Variants in LHFPL2 observed in about 807,000 individuals in gnomAD.
The protein encoded by LHFPL2 is LHFPL tetraspan subfamily member 2.
A neutral mutation model predicts 17.5 loss-of-function variants in LHFPL2; 7 were observed. The observed-to-expected ratio is 0.40, with a 90% confidence interval of 0.23 to 0.75. The LOEUF (loss-of-function observed/expected upper bound fraction) is 0.75. Ranked by LOEUF, LHFPL2 falls within the 30% of genes least tolerant of loss-of-function variation. LHFPL2 has a pLI of 0.37. For synonymous variants in LHFPL2, 134 were observed against 116.2 expected (o/e 1.15, Z -0.99); for missense variants, 241 against 294.8 (o/e 0.82, Z 1.34).
rs564286575 is a variant in LHFPL2 at position 78,535,470 on chromosome 5, G to A, written c.-185-25072C>T. Among the ~76,000 whole-genome samples the A allele has an allele frequency of 5.9e-5, 9 of 152,282 alleles. No homozygotes were observed. In the South Asian group the frequency reaches 1.0e-3, roughly 18 times the overall value. On this transcript the variant is annotated intron_variant, in intron 3 of 4. Coordinates refer to ENST00000380345, the MANE Select transcript of LHFPL2 (RefSeq NM_005779.3). The stretch of plus-strand genomic sequence containing the variant: ...GGCTAGTGTGAGGGGAGGAATAAAG[G>A]AGAGCAAAGACGACCTAGGACCCCC...
chr5:78,551,603 C>T (rs369337277), intron 3 of LHFPL2, among the ~76,000 whole-genome samples: 11 of 152,136 alleles, frequency 7.2e-5, no homozygotes, highest in Non-Finnish European at 1.2e-4. Flanking sequence ...CACCCCAAAA[C>T]GAAGCCCTAG....
At chr5:78,590,838 G>A (rs903610359) in intron 2 of LHFPL2, among the ~76,000 whole-genome samples, 2 of 152,176 alleles carry the variant, frequency 1.3e-5, no homozygotes, top group Admixed American at 1.3e-4. Flanking sequence ...GGATAATGCA[G>A]ATCATGTTTT....
intron 4 of LHFPL2, among the ~76,000 whole-genome samples, chr5:78,499,172 G>A (rs1041257131): frequency 3.3e-5 from 5 of 152,202 alleles, no homozygotes; most frequent in African/African-American, 4.8e-5. Flanking sequence ...ATGAAATGGA[G>A]ATGAAACTAT....
At chr5:78,639,695 G>A (rs181554256) in intron 1 of LHFPL2, among the ~76,000 whole-genome samples, 194 of 152,032 alleles carry the variant, frequency 1.3e-3, no homozygotes, top group East Asian at 5.8e-4. Context: ...TTTTTCTTAC[G>A]TATCTATTTA....
At chr5:78,526,872 G>A (rs763159329) in intron 3 of LHFPL2, among the ~76,000 whole-genome samples, 8 of 152,146 alleles carry the variant, frequency 5.3e-5, no homozygotes, top group Non-Finnish European at 1.0e-4. Flanking sequence ...TCACCATGGC[G>A]TCGCTTTCCC....
chr5:78,580,062 C>T lies in LHFPL2; in HGVS notation c.-244-15191G>A, dbSNP rs528676386. Among the ~76,000 whole-genome samples, 1,206 of 152,284 alleles carry T rather than the reference C, an allele frequency of 7.9e-3. 14 individuals are homozygous for T. The highest frequency in any genetic ancestry group is 0.026 in the African/African-American group (1,069 of 41,562). On this transcript the variant is annotated intron_variant, in intron 2 of 4. Transcript: ENST00000380345. ...CATTCTAACTGGTATGAGATGGTAT[C>T]TCATTGTGGTTTTGATTTGCATTTC...
intron 3 of LHFPL2, among the ~76,000 whole-genome samples, chr5:78,515,584 C>G (rs1561316523): frequency 6.6e-6 from 1 of 152,176 alleles, no homozygotes; most frequent in Non-Finnish European, 1.5e-5. Context: ...CTTTTGCCTT[C>G]CAAGAGTTGG....
chr5:78,509,556 G>A (rs571223735), intron 4 of LHFPL2, among the ~76,000 whole-genome samples: 7 of 152,206 alleles, frequency 4.6e-5, no homozygotes, highest in Non-Finnish European at 8.8e-5. Flanking sequence ...GGAGGACCAC[G>A]TAAGACCAGA....
At chr5:78,540,913 G>A (rs1484205815) in intron 3 of LHFPL2, among the ~76,000 whole-genome samples, 3 of 152,154 alleles carry the variant, frequency 2.0e-5, no homozygotes, top group African/African-American at 7.2e-5. Context: ...CAACCAGGAA[G>A]CCCCAATGTC....
At chr5:78,504,538 G>T (rs1008271425) in intron 4 of LHFPL2, among the ~76,000 whole-genome samples, 1 of 152,196 alleles carries the variant, frequency 6.6e-6, no homozygotes, top group African/African-American at 2.4e-5. Flanking sequence ...GTAAAAAGCA[G>T]TAAGAATACC....
At chr5:78,639,719 A>T (rs559292478) in intron 1 of LHFPL2, among the ~76,000 whole-genome samples, 1 of 152,384 alleles carries the variant, frequency 6.6e-6, no homozygotes, top group African/African-American at 2.4e-5. Context: ...TACAAGTGTT[A>T]GTCATTTACA....
intron 1 of LHFPL2, among the ~76,000 whole-genome samples, chr5:78,639,111 G>A (rs954720699): frequency 4.6e-5 from 7 of 152,004 alleles, no homozygotes; most frequent in Non-Finnish European, 7.4e-5. Context: ...ATCCTAAGAG[G>A]CCCCCCAGCC....
chr5:78,629,048 C>T (rs553426311), intron 2 of LHFPL2, among the ~76,000 whole-genome samples: 14 of 152,250 alleles, frequency 9.2e-5, no homozygotes, highest in South Asian at 2.1e-4. Context: ...AATCATAGAA[C>T]GCAGAATATT....
rs187891685 is a variant in LHFPL2, at chr5:78,496,571, C to G, written c.431-7418G>C. ...AGTCTGAGCCCCAGCCCTTGTTGAC[C>G]CAGCACAGCTCACTACAGCATAATG... On this transcript the variant is annotated intron_variant, in intron 4 of 4. Transcript: ENST00000380345. Among the ~76,000 whole-genome samples, 1,060 of 152,302 alleles carry G rather than the reference C, an allele frequency of 7.0e-3. 15 individuals carry two copies. The highest frequency in any genetic ancestry group is 7.5e-3 in the Non-Finnish European group (510 of 68,024).
intron 4 of LHFPL2, among the ~76,000 whole-genome samples, chr5:78,503,083 G>T (rs1043145073): frequency 6.6e-6 from 1 of 152,112 alleles, no homozygotes; most frequent in Non-Finnish European, 1.5e-5. Context: ...GGCTGACCGC[G>T]CTGTAGGACA....
At chr5:78,621,073 C>A (rs1323600691) in intron 2 of LHFPL2, among the ~76,000 whole-genome samples, 1 of 151,468 alleles carries the variant, frequency 6.6e-6, no homozygotes, top group Non-Finnish European at 1.5e-5. Context: ...GTAAAACCAT[C>A]ATTCTCATTA....
intron 2 of LHFPL2, among the ~76,000 whole-genome samples, chr5:78,628,747 G>C (rs1274193740): frequency 6.6e-6 from 1 of 152,228 alleles, no homozygotes; most frequent in Non-Finnish European, 1.5e-5. Flanking sequence ...AGCCTGCTGG[G>C]CTGCAAGGAG....
intron 1 of LHFPL2, among the ~76,000 whole-genome samples, chr5:78,636,806 G>A (rs1169653209): frequency 6.6e-6 from 1 of 152,112 alleles, no homozygotes; most frequent in African/African-American, 2.4e-5. Flanking sequence ...TCACAGAACT[G>A]ACTTCTTACA....
intron 2 of LHFPL2, among the ~76,000 whole-genome samples, chr5:78,619,484 T>TA (rs1177839364): frequency 3.0e-4 from 45 of 148,054 alleles, no homozygotes; most frequent in African/African-American, 1.1e-3. Flanking sequence ...AGAGTTTTTA[T>TA]TTATATATAT....
Sources: gnomAD v4.1 joint callset for allele counts (sites outside exome capture counted in the v4.1 genomes callset) on GRCh38, gnomAD v4.1.1 for gene constraint, MANE v1.5 for transcripts, NCBI Gene and HGNC (gene_info 2026-07-23, HGNC 2026-07-21) for gene names.